RANBP17: variants seen among roughly 807,000 people sequenced by gnomAD.
RANBP17 encodes the protein ran-binding protein 17.
A neutral mutation model predicts 141.2 loss-of-function variants in RANBP17; 158 were observed. That is an observed-to-expected ratio of 1.12 (90% CI 0.98 to 1.28). RANBP17 has a LOEUF of 1.28. RANBP17 is among the 50% of genes most tolerant of loss of function. RANBP17 has a pLI of 0.00. For missense variants in RANBP17, 1,438 were observed against 1,290.7 expected (o/e 1.11, Z -1.75); for synonymous variants, 430 against 450.0 (o/e 0.96, Z 0.56).
chr5:170,871,871 G>T (rs1396349726), intron 1 of RANBP17, among the ~76,000 whole-genome samples: 1 of 152,076 alleles, frequency 6.6e-6, no homozygotes, highest in Non-Finnish European at 1.5e-5. Flanking sequence ...CTGTTCTATT[G>T]GTCTATGTGT....
intron 14 of RANBP17, among the ~76,000 whole-genome samples, chr5:171,157,949 A>G (rs1209993693): frequency 6.6e-6 from 1 of 152,204 alleles, no homozygotes; most frequent in African/African-American, 2.4e-5. Context: ...GCCTGCAGGC[A>G]GTTTAGTGCT....
chr5:171,242,857 A>C (rs759717390), intron 24 of RANBP17, 37 bp downstream of exon 24: 14 of 1,596,710 alleles, frequency 8.8e-6, no homozygotes, highest in Non-Finnish European at 1.1e-5. Flanking sequence ...CATAGGAAAA[A>C]CTTGATTATG....
rs981013425 is a variant in RANBP17 at position 171,221,796 on chromosome 5, G to A, written c.2378G>A (p.Gly793Glu). ...AATTTTGATGTATCATCTCCTAATG[G>A]AATTCTTCTCTTCAGAGAAGCTAGT... is the stretch of plus-strand genomic sequence containing the variant. ...RLNFDVSSPN[G>E]ILLFREASKM... The change falls in exon 22 of 28, where the codon GGA becomes GAA. Residue 793 changes from glycine (G) to glutamate (E), a missense_variant. Coordinates refer to ENST00000523189, the MANE Select transcript of RANBP17 (RefSeq NM_022897.5). 7 of 1,611,286 alleles carry A rather than the reference G, an allele frequency of 4.3e-6. No individual in the cohort carries two copies. In the African/African-American group the frequency reaches 9.4e-5, roughly 22 times the overall value.
At position 170,881,843 on chromosome 5, in the gene RANBP17, C is replaced by T; in HGVS notation, c.203C>T (p.Ser68Leu). Residue 68 changes from serine to leucine, a missense_variant, in exon 3 of 28, where the codon TCA becomes TTA. Physicochemically the swap from Ser to Leu is moderately radical, Grantham distance 145 (BLOSUM62 -2). Coordinates refer to ENST00000523189, the MANE Select transcript of RANBP17 (RefSeq NM_022897.5). ...CAGCTCCTTGCAGCAACATGTCTTT[C>T]AAAACTTGTCAGCCGAGTCAGTCCT... ...YAQLLAATCL[S>L]KLVSRVSPLP... 1 of 1,609,932 alleles carries T rather than the reference C, an allele frequency of 6.2e-7. No individual in the cohort carries two copies. The highest frequency in any genetic ancestry group is 1.1e-5 in the South Asian group (1 of 90,186).
intron 14 of RANBP17, among the ~76,000 whole-genome samples, chr5:171,090,887 C>A (rs567838882): frequency 6.6e-6 from 1 of 152,296 alleles, no homozygotes; most frequent in South Asian, 2.1e-4. Context: ...GCCTAGACCT[C>A]AAAAGATGTA....
At chr5:171,138,556 A>AC (rs61233480) in intron 14 of RANBP17, among the ~76,000 whole-genome samples, 1 of 151,200 alleles carries the variant, frequency 6.6e-6, no homozygotes, top group Non-Finnish European at 1.5e-5. Context: ...AAAAAAAAAA[A>AC]GTCCTGAGAA....
chr5:171,202,335 G>T (rs551982988), intron 19 of RANBP17, among the ~76,000 whole-genome samples: 28 of 152,206 alleles, frequency 1.8e-4, no homozygotes, highest in Non-Finnish European at 1.8e-4. Context: ...ATATAGTCCA[G>T]TACTCCCCTG....
Position 170,963,757 on chromosome 5 carries a change from G to C in RANBP17, c.1575-4485G>C, listed in dbSNP as rs1016770539. ...TGCCCACCTCCTGCTGTGCAGCCTG[G>C]TTCCTAACAGGCCACAGACTAGTAC... On this transcript the variant is annotated intron_variant, in intron 13 of 27. Coordinates refer to ENST00000523189, the MANE Select transcript of RANBP17 (RefSeq NM_022897.5). 2.4e-4 allele frequency among the ~76,000 whole-genome samples: 37 copies of C among 152,174 alleles called. 2 individuals carry two copies.
At chr5:170,892,354 G>T (rs1769707091) in intron 3 of RANBP17, 33 bp from the exon 4 acceptor site, 2 of 1,148,658 alleles carry the variant, frequency 1.7e-6, no homozygotes, top group Non-Finnish European at 2.2e-6. Flanking sequence ...TTTCTGAAAA[G>T]TCCAGATGAC....
intron 24 of RANBP17, chr5:171,251,807 G>T: frequency 8.2e-7 from 1 of 1,212,218 alleles, no homozygotes; most frequent in East Asian, 2.3e-5. Flanking sequence ...GATGGTGCTG[G>T]CCGGATGTAA....
intron 14 of RANBP17, chr5:170,968,677 G>T (rs755702498): frequency 2.1e-6 from 1 of 477,242 alleles, no homozygotes; most frequent in African/African-American, 2.0e-5. Flanking sequence ...AAGACTGAAA[G>T]CATAAGATTT....
At chr5:171,205,910 A>G in intron 20 of RANBP17, 1 of 442,534 alleles carries the variant, frequency 2.3e-6, no homozygotes, top group Non-Finnish European at 4.2e-6. Flanking sequence ...TAACATCTTT[A>G]GGGATCAATG....
chr5:170,928,800 T>A (rs1164459953), intron 12 of RANBP17, among the ~76,000 whole-genome samples: 8 of 151,888 alleles, frequency 5.3e-5, no homozygotes. Flanking sequence ...GTTTGGCTAT[T>A]CTAGGTCTTT....
chr5:171,299,270 T>C lies in RANBP17; in HGVS notation c.*412T>C. The C allele has an allele frequency of 1.2e-5, 3 of 241,804 alleles. No individual in the cohort carries two copies. Among genetic ancestry groups the C allele is most frequent in the South Asian group, 1.5e-4 (1 of 6,662 alleles). The allele number at this position is 241,804 out of a possible 1,614,324, so 15.0% of individuals were successfully genotyped here. A position where few individuals can be genotyped will look rare whatever the true frequency, so the allele number is the denominator to read the frequency against. On this transcript the variant is annotated 3_prime_UTR_variant, in exon 28 of 28. Coordinates refer to ENST00000523189, the MANE Select transcript of RANBP17 (RefSeq NM_022897.5). ...GGATCCTGGATTGAGACGAATGCCA[T>C]TGGAACCTGTTAAATGAGTAGTTTG...
intron 5 of RANBP17, chr5:170,903,926 T>A (rs1405588457): frequency 1.9e-6 from 1 of 523,716 alleles, no homozygotes; most frequent in African/African-American, 2.0e-5. Flanking sequence ...TTCCTCAGCT[T>A]CATTATCTTG....
chr5:171,269,760 G>A (rs957803887), intron 25 of RANBP17, among the ~76,000 whole-genome samples: 2 of 152,200 alleles, frequency 1.3e-5, no homozygotes, highest in African/African-American at 4.8e-5. Context: ...AATGAACAAG[G>A]TTGCTGCTTT....
chr5:171,056,037 A>C (rs1416965807), intron 14 of RANBP17, among the ~76,000 whole-genome samples: 4 of 152,192 alleles, frequency 2.6e-5, no homozygotes, highest in Non-Finnish European at 5.9e-5. Flanking sequence ...TTACAGGAAA[A>C]TACTTTATTC....
chr5:171,056,257 G>A (rs1396441861), intron 14 of RANBP17, among the ~76,000 whole-genome samples: 1 of 152,054 alleles, frequency 6.6e-6, no homozygotes, highest in African/African-American at 2.4e-5. Flanking sequence ...GTATTCTAAT[G>A]CCACAGTCTC....
chr5:171,265,821 C>A lies in RANBP17; in HGVS notation c.2917C>A (p.Gln973Lys), dbSNP rs777323307. The change falls in exon 25 of 28, where the codon CAG becomes AAG. Residue 973 changes from glutamine to lysine, a missense_variant. Coordinates refer to ENST00000523189, the MANE Select transcript of RANBP17 (RefSeq NM_022897.5). Reference protein sequence around the residue: ...QAGQRLLHFMQQNPDVLQQMM... With the variant: ...QAGQRLLHFMKQNPDVLQQMM... Reference sequence around the variant, plus strand: ...TGGTCAGAGACTATTACATTTTATGCAGCAAAACCCAGATGTCCTGCAGCA... The same window carrying A: ...TGGTCAGAGACTATTACATTTTATGAAGCAAAACCCAGATGTCCTGCAGCA... 9.9e-6 allele frequency: 16 copies of A among 1,613,308 alleles called. No homozygotes were observed. In the Admixed American group the frequency reaches 2.5e-4, roughly 25 times the overall value.
Sources: gnomAD v4.1 joint callset for allele counts (sites outside exome capture counted in the v4.1 genomes callset) on GRCh38, gnomAD v4.1.1 for gene constraint, MANE v1.5 for transcripts, NCBI Gene and HGNC (gene_info 2026-07-23, HGNC 2026-07-21) for gene names.